DDX19B: variants seen among roughly 807,000 people sequenced by gnomAD.
The protein encoded by DDX19B is ATP-dependent RNA helicase DDX19B.
Under a neutral mutation model 58.1 loss-of-function variants are expected in DDX19B, and 27 were observed. That is an observed-to-expected ratio of 0.46 (90% CI 0.34 to 0.64). The LOEUF is 0.64. Among genes scored for constraint, DDX19B ranks in the 30% least tolerant of loss-of-function variants. The probability of loss-of-function intolerance (pLI) is 0.01; values close to 1 mark genes in which losing one functional copy is unlikely to be tolerated. For synonymous variants in DDX19B, 187 were observed against 214.4 expected (o/e 0.87, Z 1.12); for missense variants, 399 against 596.5 (o/e 0.67, Z 3.45).
chr16:70,303,895 G>A (rs182937084), intron 1 of DDX19B, among the ~76,000 whole-genome samples: 1 of 151,922 alleles, frequency 6.6e-6, no homozygotes, highest in African/African-American at 2.4e-5. Context: ...TTCTTTTTGT[G>A]TTCCAAGATA....
rs373523387 is a variant in DDX19B, at chr16:70,332,936, G to T, written c.1187-32G>T. ...ATGACTGATTTGCCTCCTGTCCTTA[G>T]TCCTCTCAGCCTCCAACTCTCCTTC... On this transcript the variant is annotated intron_variant, in intron 10 of 11. Coordinates refer to ENST00000288071, the MANE Select transcript of DDX19B (RefSeq NM_007242.7). 5 of 1,613,892 alleles carry T rather than the reference G, an allele frequency of 3.1e-6. No individual in the cohort carries two copies. In the African/African-American group the frequency reaches 6.7e-5, roughly 22 times the overall value.
At chr16:70,302,897 C>T (rs965867824) in intron 1 of DDX19B, among the ~76,000 whole-genome samples, 7 of 152,212 alleles carry the variant, frequency 4.6e-5, no homozygotes, top group Non-Finnish European at 1.0e-4. Flanking sequence ...CCCTTCCCTG[C>T]ACAGTATTGT....
upstream of DDX19B, among the ~76,000 whole-genome samples, chr16:70,298,384 C>T (rs1054937179): frequency 2.0e-5 from 3 of 151,822 alleles, no homozygotes; most frequent in Admixed American, 2.0e-4. Context: ...CCAGCCTGGG[C>T]GACAGAGCCA....
At chr16:70,290,720 G>C (rs1349109580), upstream of DDX19B, among the ~76,000 whole-genome samples, 1 of 152,110 alleles carries the variant, frequency 6.6e-6, no homozygotes, top group African/African-American at 2.4e-5. Flanking sequence ...ATTTATACGT[G>C]AGGCATTGCA....
chr16:70,322,906 A>G (rs1167454099), intron 5 of DDX19B, among the ~76,000 whole-genome samples: 1 of 151,334 alleles, frequency 6.6e-6, no homozygotes, highest in African/African-American at 2.4e-5. Context: ...AAAAAAAAAA[A>G]AAAAAAAAGT....
At chr16:70,309,343 AAGTT>A (rs1470011791) in intron 1 of DDX19B, among the ~76,000 whole-genome samples, 1 of 151,502 alleles carries the variant, frequency 6.6e-6, no homozygotes, top group Non-Finnish European at 1.5e-5. Context: ...AAAATATAAA[AAGTT>A]AGTCGGGCAT....
intron 2 of DDX19B, among the ~76,000 whole-genome samples, chr16:70,313,175 C>T (rs769280648): frequency 5.9e-5 from 9 of 152,102 alleles, no homozygotes; most frequent in Admixed American, 1.3e-4. Flanking sequence ...CCTGCCACCA[C>T]GCCTGGCTAA....
chr16:70,322,407 A>G (rs1253780639), intron 5 of DDX19B, among the ~76,000 whole-genome samples: 1 of 151,962 alleles, frequency 6.6e-6, no homozygotes, highest in Non-Finnish European at 1.5e-5. Context: ...CCTGGCCAAC[A>G]TGGCGAAACC....
intron 5 of DDX19B, among the ~76,000 whole-genome samples, chr16:70,322,265 C>T (rs577095843): frequency 1.3e-5 from 2 of 152,134 alleles, no homozygotes; most frequent in East Asian, 3.9e-4. Flanking sequence ...GACAGGGAAT[C>T]TAGATGTTTA....
chr16:70,324,442 C>CCCT, intron 5 of DDX19B, 143 bp from the exon 6 acceptor site: 1 of 614,586 alleles, frequency 1.6e-6, no homozygotes. Flanking sequence ...TTCTATAGTG[C>CCCT]CCTGTTCTTG....
chr16:70,321,182 G>A (rs529729979), intron 5 of DDX19B, among the ~76,000 whole-genome samples: 3 of 151,362 alleles, frequency 2.0e-5, no homozygotes, highest in East Asian at 4.0e-4. Flanking sequence ...GGCTGGTCTC[G>A]AACTCCCAAC....
intron 1 of DDX19B, among the ~76,000 whole-genome samples, chr16:70,308,623 C>T (rs1027550818): frequency 1.3e-5 from 2 of 151,966 alleles, no homozygotes; most frequent in African/African-American, 4.8e-5. Flanking sequence ...CCTCCCTCCT[C>T]GGCCTCCAAA....
upstream of DDX19B, among the ~76,000 whole-genome samples, chr16:70,290,364 C>G (rs745818098): frequency 6.6e-6 from 1 of 151,934 alleles, no homozygotes; most frequent in Non-Finnish European, 1.5e-5. Context: ...GGTGAAACCC[C>G]GTCTCTACTA....
chr16:70,317,786 C>G (rs201299685), intron 5 of DDX19B, 198 bp downstream of exon 5: 2 of 321,226 alleles, frequency 6.2e-6, no homozygotes, highest in Non-Finnish European at 1.1e-5. Context: ...AAAAAAAAAA[C>G]GTTATAAACT....
At chr16:70,313,041 C>T (rs1469939870) in intron 2 of DDX19B, among the ~76,000 whole-genome samples, 1 of 151,780 alleles carries the variant, frequency 6.6e-6, no homozygotes, top group Non-Finnish European at 1.5e-5. Context: ...TTTTTTGAGA[C>T]AGAGTCTCGC....
chr16:70,308,021 C>T (rs1041954105), intron 1 of DDX19B, among the ~76,000 whole-genome samples: 2 of 151,504 alleles, frequency 1.3e-5, no homozygotes, highest in East Asian at 1.9e-4. Flanking sequence ...GGCACCATGT[C>T]GGCTCACTGC....
chr16:70,311,297 G>A (rs1367291670), intron 1 of DDX19B, among the ~76,000 whole-genome samples: 3 of 151,276 alleles, frequency 2.0e-5, no homozygotes, highest in East Asian at 3.9e-4. Context: ...GTAGAATGGC[G>A]TGAACCCGGA....
Position 70,299,285 on chromosome 16 carries a change from C to G in DDX19B, c.-13C>G, listed in dbSNP as rs753200087. ...AATCCACCAGCACGAGCGTCCCACCCGCGCCTGGGACCATGGCCACTGACT... is the reference window on the plus strand; with the variant it reads ...AATCCACCAGCACGAGCGTCCCACCGGCGCCTGGGACCATGGCCACTGACT... On this transcript the variant is annotated 5_prime_UTR_variant, in exon 1 of 12. Coordinates refer to ENST00000288071, the MANE Select transcript of DDX19B (RefSeq NM_007242.7). 3.2e-6 allele frequency: 5 copies of G among 1,573,070 alleles called. No individual in the cohort carries two copies. In the East Asian group the frequency reaches 9.3e-5, roughly 29 times the overall value.
chr16:70,292,788 A>T (rs1326818115), upstream of DDX19B, among the ~76,000 whole-genome samples: 2 of 152,166 alleles, frequency 1.3e-5, no homozygotes, highest in Non-Finnish European at 2.9e-5. Flanking sequence ...TGATTGCCCC[A>T]CTACCCTCCA....
Sources: gnomAD v4.1 joint callset for allele counts (sites outside exome capture counted in the v4.1 genomes callset) on GRCh38, gnomAD v4.1.1 for gene constraint, MANE v1.5 for transcripts, NCBI Gene and HGNC (gene_info 2026-07-23, HGNC 2026-07-21) for gene names.